The following SMIM36 variants were observed in gnomAD, a reference collection of about 807,000 sequenced individuals.
The protein encoded by SMIM36 is small integral membrane protein 36.
chr17:55,491,774 G>T (rs1246690764), intron 1 of SMIM36, among the ~76,000 whole-genome samples: 1 of 152,166 alleles, frequency 6.6e-6, no homozygotes, highest in Admixed American at 6.5e-5. Flanking sequence ...AAAGCTGATA[G>T]AACAGAAATA....
At chr17:55,519,486 G>A in the SMIM36 span, among the ~76,000 whole-genome samples, 1 of 152,168 alleles carries the variant, frequency 6.6e-6, no homozygotes, top group Admixed American at 6.6e-5. Context: ...TGGCAGTGGT[G>A]CTTCAAGAGG....
chr17:55,500,179 G>C (rs1277410779), intron 1 of SMIM36, among the ~76,000 whole-genome samples: 1 of 151,972 alleles, frequency 6.6e-6, no homozygotes, highest in Non-Finnish European at 1.5e-5. Flanking sequence ...GGAGGGTAGA[G>C]AGTAATGTGA....
chr17:55,507,989 T>C (rs3931317), intron 1 of SMIM36, among the ~76,000 whole-genome samples: 83,320 of 151,734 alleles, frequency 0.55, 24,057 homozygotes, highest in African/African-American at 0.74. Context: ...GGGTTGGGCA[T>C]GACTGGTGCT....
intron 3 of SMIM36, among the ~76,000 whole-genome samples, chr17:55,475,615 C>A (rs1456928225): frequency 1.3e-5 from 2 of 152,190 alleles, no homozygotes. Context: ...CTAAATCAGT[C>A]TGGCTTGGTA....
intron 3 of SMIM36, among the ~76,000 whole-genome samples, chr17:55,467,775 T>C (rs1357287878): frequency 1.3e-5 from 2 of 152,208 alleles, no homozygotes; most frequent in Non-Finnish European, 2.9e-5. Context: ...CTGGGCCATG[T>C]CAGGCCTCTG....
the SMIM36 span, among the ~76,000 whole-genome samples, chr17:55,517,233 T>C: frequency 6.6e-6 from 1 of 152,140 alleles, no homozygotes; most frequent in Admixed American, 6.5e-5. Context: ...TTTCTAAGAC[T>C]CTGAAATAGG....
intron 4 of SMIM36, among the ~76,000 whole-genome samples, chr17:55,450,657 T>C (rs1908895504): frequency 6.6e-6 from 1 of 152,172 alleles, no homozygotes. Flanking sequence ...CAGATAGTAC[T>C]CCTTGCTTTC....
At chr17:55,459,172 C>T (rs537416096) in intron 4 of SMIM36, among the ~76,000 whole-genome samples, 1 of 152,216 alleles carries the variant, frequency 6.6e-6, no homozygotes, top group South Asian at 2.1e-4. Flanking sequence ...AGATGCGAGC[C>T]CCACCCCCAT....
the SMIM36 span, among the ~76,000 whole-genome samples, chr17:55,532,106 C>T: frequency 6.6e-6 from 1 of 152,198 alleles, no homozygotes; most frequent in African/African-American, 2.4e-5. Context: ...GTTATGCTTC[C>T]TAAATATTGC....
At chr17:55,454,500 A>C (rs1908981476) in intron 4 of SMIM36, among the ~76,000 whole-genome samples, 1 of 152,224 alleles carries the variant, frequency 6.6e-6, no homozygotes, top group Non-Finnish European at 1.5e-5. Context: ...AGACCTAGAA[A>C]ACATAGATCA....
intron 4 of SMIM36, among the ~76,000 whole-genome samples, chr17:55,461,753 T>C (rs762390507): frequency 6.6e-6 from 1 of 152,232 alleles, no homozygotes; most frequent in Non-Finnish European, 1.5e-5. Flanking sequence ...ATTTCTTTAA[T>C]GAGGCAAAAA....
At chr17:55,518,993 G>GT in the SMIM36 span, among the ~76,000 whole-genome samples, 453 of 142,962 alleles carry the variant, frequency 3.2e-3, no homozygotes, top group East Asian at 4.0e-3. Flanking sequence ...TGATATTTGG[G>GT]TTTTTTTTTT....
intron 1 of SMIM36, among the ~76,000 whole-genome samples, chr17:55,492,017 G>T (rs928190836): frequency 6.6e-6 from 1 of 151,704 alleles, no homozygotes; most frequent in Non-Finnish European, 1.5e-5. Context: ...AAATTAGCTG[G>T]GCGTGGTGGC....
intron 3 of SMIM36, chr17:55,477,210 AG>A (rs1368398466): frequency 1.3e-5 from 2 of 152,256 alleles, no homozygotes; most frequent in Non-Finnish European, 2.9e-5. Flanking sequence ...AACAAAAAAT[AG>A]GTGGCTTCAA....
chr17:55,515,084 GTGTTTTTTTTTTTTT>G (rs1159161408), upstream of SMIM36, among the ~76,000 whole-genome samples: 12 of 56,152 alleles, frequency 2.1e-4, no homozygotes, highest in Non-Finnish European at 6.4e-4. Flanking sequence ...TTCTAGTCTA[GTGTTTTTTTTTTTTT>G]TTTTTTTTTT....
At chr17:55,503,984 T>C (rs1333745923) in intron 1 of SMIM36, among the ~76,000 whole-genome samples, 10 of 92,134 alleles carry the variant, frequency 1.1e-4, no homozygotes, top group African/African-American at 1.8e-4. Flanking sequence ...AAGAAGGCCA[T>C]TACATAATGG....
chr17:55,513,163 C>T (rs2144726702), upstream of SMIM36, among the ~76,000 whole-genome samples: 1 of 152,222 alleles, frequency 6.6e-6, no homozygotes, highest in East Asian at 1.9e-4. Flanking sequence ...GAGTTAGAAT[C>T]TTTGGGACTA....
rs1159520351 is a variant in SMIM36 at position 55,501,384 on chromosome 17, A to C, written c.*174+9495T>G. 3.1e-3 allele frequency among the ~76,000 whole-genome samples: 104 copies of C among 33,942 alleles called. 1 individual carries two copies. The highest frequency in any genetic ancestry group is 0.012 in the African/African-American group (68 of 5,832). 22.3% of individuals were successfully genotyped at this position (33,942 alleles called of 152,430 possible). A position where few individuals can be genotyped will look rare whatever the true frequency, so the allele number is the denominator to read the frequency against. ...TATATAATATATTATATATTATAGA[A>C]TATAATATATTATATATTATTATAT... On this transcript the variant is annotated intron_variant, in intron 1 of 4. Coordinates refer to ENST00000636752, the Ensembl canonical transcript of SMIM36.
At chr17:55,531,514 T>C in the SMIM36 span, among the ~76,000 whole-genome samples, 7 of 152,226 alleles carry the variant, frequency 4.6e-5, no homozygotes, top group African/African-American at 7.2e-5. Context: ...GTGTCAGTCA[T>C]AGGACTGATG....
Sources: gnomAD v4.1 joint callset for allele counts (sites outside exome capture counted in the v4.1 genomes callset) on GRCh38, gnomAD v4.1.1 for gene constraint, MANE v1.5 for transcripts, NCBI Gene and HGNC (gene_info 2026-07-23, HGNC 2026-07-21) for gene names.